The following RYR3 variants were observed in gnomAD, a reference collection of about 807,000 sequenced individuals.
RYR3 encodes ryanodine receptor 3.
RYR3 carries 207 observed loss-of-function variants against 584.3 expected under a neutral mutation model. That is an observed-to-expected ratio of 0.35 (90% CI 0.32 to 0.40). RYR3 has a LOEUF of 0.40. Among genes scored for constraint, RYR3 ranks in the 10% least tolerant of loss-of-function variants. The pLI, the probability that RYR3 is intolerant of heterozygous loss-of-function variation, is 1.00. For missense variants in RYR3, 5,616 were observed against 6,089.2 expected (o/e 0.92, Z 2.59); for synonymous variants, 2,416 against 2,248.5 (o/e 1.07, Z -2.11).
intron 65 of RYR3, among the ~76,000 whole-genome samples, chr15:33,782,914 G>T (rs1156757497): frequency 3.3e-5 from 5 of 152,072 alleles, no homozygotes; most frequent in Non-Finnish European, 5.9e-5. Context: ...CTTAGTTATG[G>T]GTGGCAGTGA....
intron 65 of RYR3, among the ~76,000 whole-genome samples, chr15:33,785,400 C>G (rs555743757): frequency 6.6e-6 from 1 of 152,164 alleles, no homozygotes; most frequent in Non-Finnish European, 1.5e-5. Context: ...TATCCCTCAT[C>G]CTTGTGTCTG....
intron 1 of RYR3, among the ~76,000 whole-genome samples, chr15:33,365,550 A>G (rs771333621): frequency 6.6e-6 from 1 of 152,164 alleles, no homozygotes; most frequent in Non-Finnish European, 1.5e-5. Flanking sequence ...AAAAACTCAA[A>G]AAAGCCATCA....
At chr15:33,717,523 C>T (rs1482564123) in intron 43 of RYR3, among the ~76,000 whole-genome samples, 1 of 152,120 alleles carries the variant, frequency 6.6e-6, no homozygotes, top group Non-Finnish European at 1.5e-5. Context: ...TATCTTCTCT[C>T]CATCTCCACT....
intron 1 of RYR3, among the ~76,000 whole-genome samples, chr15:33,369,113 A>G (rs1003227795): frequency 3.3e-5 from 5 of 152,046 alleles, no homozygotes; most frequent in African/African-American, 1.2e-4. Context: ...TTTTGAAACA[A>G]TTCTGTAATC....
intron 12 of RYR3, among the ~76,000 whole-genome samples, chr15:33,570,175 T>C (rs1342257469): frequency 6.6e-6 from 1 of 152,190 alleles, no homozygotes; most frequent in Non-Finnish European, 1.5e-5. Flanking sequence ...GATTTTCTCC[T>C]CTGTGTTTTT....
intron 1 of RYR3, among the ~76,000 whole-genome samples, chr15:33,397,013 C>T (rs187618270): frequency 3.3e-5 from 5 of 152,238 alleles, no homozygotes; most frequent in Admixed American, 3.3e-4. Flanking sequence ...ATAACATCTG[C>T]AGAAAAATTG....
At chr15:33,629,600 T>C (rs1380675879) in intron 21 of RYR3, among the ~76,000 whole-genome samples, 1 of 152,242 alleles carries the variant, frequency 6.6e-6, no homozygotes, top group African/African-American at 2.4e-5. Context: ...GCCTGTCCTA[T>C]GCTGAAGAAT....
chr15:33,377,446 C>A (rs1198240395), intron 1 of RYR3, among the ~76,000 whole-genome samples: 1 of 152,166 alleles, frequency 6.6e-6, no homozygotes. Flanking sequence ...CATATCTAAC[C>A]GTCCAGTACT....
At chr15:33,767,279 C>G (rs1392435427) in intron 60 of RYR3, among the ~76,000 whole-genome samples, 2 of 151,770 alleles carry the variant, frequency 1.3e-5, no homozygotes, top group Non-Finnish European at 2.9e-5. Context: ...GTTAGCCCCT[C>G]GCTTCAGCTC....
At chr15:33,554,854 T>G (rs1045298312) in intron 10 of RYR3, among the ~76,000 whole-genome samples, 5 of 152,232 alleles carry the variant, frequency 3.3e-5, no homozygotes, top group Non-Finnish European at 5.9e-5. Flanking sequence ...TGACTCAATG[T>G]CAGTTTACAG....
chr15:33,483,478 AGT>A (rs1398825536), intron 2 of RYR3, among the ~76,000 whole-genome samples: 2 of 152,190 alleles, frequency 1.3e-5, no homozygotes, highest in African/African-American at 4.8e-5. Context: ...TTAAATTACT[AGT>A]GTGTCTCCTT....
chr15:33,357,331 A>G (rs150413934), intron 1 of RYR3, among the ~76,000 whole-genome samples: 1 of 152,304 alleles, frequency 6.6e-6, no homozygotes, highest in East Asian at 1.9e-4. Flanking sequence ...GTTTTGGAAA[A>G]CTTAATTTCC....
chr15:33,807,449 T>C (rs2076268357), intron 69 of RYR3, 106 bp from the exon 70 acceptor site: 2 of 1,101,856 alleles, frequency 1.8e-6, no homozygotes, highest in Admixed American at 2.0e-5. Context: ...GGCTGAGAAA[T>C]GGGGGCTAAG....
In RYR3 at chr15:33,698,890, G is replaced by A. The variant is rs112844119; in HGVS notation, c.6250-814G>A. Among the ~76,000 whole-genome samples the A allele has an allele frequency of 7.3e-3, 1,112 of 152,262 alleles. 6 individuals carry two copies. The highest frequency in any genetic ancestry group is 0.025 in the African/African-American group (1,032 of 41,542). On this transcript the variant is annotated intron_variant, in intron 40 of 103. Transcript: ENST00000634891. ...AATCAAGGTTGTCTTAGGATCCCGA[G>A]CAAGGTTAACACTGGCACCATTTAT...
At chr15:33,795,312 C>A (rs973490596) in intron 67 of RYR3, among the ~76,000 whole-genome samples, 4 of 150,470 alleles carry the variant, frequency 2.7e-5, no homozygotes, top group Non-Finnish European at 5.9e-5. Context: ...GTGGGGGACA[C>A]ATAAGTGCTT....
chr15:33,725,108 C>T (rs927758148), intron 45 of RYR3, among the ~76,000 whole-genome samples: 118 of 150,362 alleles, frequency 7.8e-4, no homozygotes, highest in Admixed American at 1.3e-3. Context: ...GCCCCATCTG[C>T]GGTGCCCCAT....
At chr15:33,803,351 A>G (rs1218726649) in intron 69 of RYR3, among the ~76,000 whole-genome samples, 5 of 152,160 alleles carry the variant, frequency 3.3e-5, no homozygotes, top group Non-Finnish European at 7.4e-5. Context: ...AAACACATCT[A>G]CTGTCATATG....
Position 33,587,705 on chromosome 15 carries a change from G to A in RYR3, c.1788+1589G>A, listed in dbSNP as rs760194983. Among the ~76,000 whole-genome samples the A allele has an allele frequency of 1.3e-4, 20 of 152,316 alleles. No individual in the cohort carries two copies. In the East Asian group the frequency reaches 1.9e-3, roughly 15 times the overall value. On this transcript the variant is annotated intron_variant, in intron 16 of 103. Coordinates refer to ENST00000634891, the MANE Select transcript of RYR3 (RefSeq NM_001036.6). Reference sequence around the variant, plus strand: ...GGTACATAAGAGTCTTTTCAAAGACGTTCCTTTTCCATCTTTGGATAGATT... The same window carrying A: ...GGTACATAAGAGTCTTTTCAAAGACATTCCTTTTCCATCTTTGGATAGATT...
chr15:33,801,983 C>G, intron 69 of RYR3, 22 bp downstream of exon 69: 1 of 1,412,842 alleles, frequency 7.1e-7, no homozygotes, highest in Non-Finnish European at 1.0e-6. Flanking sequence ...GAAATCAATT[C>G]CAAAAACTCT....
Sources: gnomAD v4.1 joint callset for allele counts (sites outside exome capture counted in the v4.1 genomes callset) on GRCh38, gnomAD v4.1.1 for gene constraint, MANE v1.5 for transcripts, NCBI Gene and HGNC (gene_info 2026-07-23, HGNC 2026-07-21) for gene names.